Variants in CCDC146 observed in about 807,000 individuals in gnomAD.
CCDC146 encodes coiled-coil domain containing 146, also known as coiled-coil domain-containing protein 146.
In CCDC146, 92 loss-of-function variants were observed where a neutral mutation model predicts 119.3. The observed-to-expected ratio is 0.77, with a 90% CI of 0.65 to 0.92. The LOEUF (loss-of-function observed/expected upper bound fraction) is 0.92. Among genes scored for constraint, CCDC146 ranks in the 40% least tolerant of loss-of-function variants. The pLI, the probability that CCDC146 is intolerant of heterozygous loss-of-function variation, is 0.00. For synonymous variants in CCDC146, 372 were observed against 371.8 expected (o/e 1.00, Z -0.01); for missense variants, 1,000 against 1,103.0 (o/e 0.91, Z 1.32).
chr7:77,199,878 T>C, intron 2 of CCDC146: 1 of 1,484,580 alleles, frequency 6.7e-7, no homozygotes. Flanking sequence ...AGGCTTTCTG[T>C]GTTCCCAGGA....
At chr7:77,220,135 C>G (rs1475196413) in intron 2 of CCDC146, among the ~76,000 whole-genome samples, 1 of 152,232 alleles carries the variant, frequency 6.6e-6, no homozygotes, top group Non-Finnish European at 1.5e-5. Context: ...CATCCCGTAT[C>G]TACAACTGCA....
At chr7:77,241,593 T>G in intron 3 of CCDC146, 98 bp from the exon 4 acceptor site, 1 of 976,046 alleles carries the variant, frequency 1.0e-6, no homozygotes, top group Admixed American at 2.0e-5. Context: ...TGAGTTGATC[T>G]GAGGAGTGGG....
rs532801740 is a variant in CCDC146 at position 77,212,557 on chromosome 7, C to G, written c.157-24390C>G. On this transcript the variant is annotated intron_variant, in intron 2 of 18. Coordinates refer to ENST00000285871, the MANE Select transcript of CCDC146 (RefSeq NM_020879.3). ...AATGGCATGAACCCAGGAGGCGGAG[C>G]ATGCAGTGAGCCGAGATCACGCCAC... Among the ~76,000 whole-genome samples the G allele has an allele frequency of 3.5e-3, 493 of 142,014 alleles. 3 individuals are homozygous for G. The highest frequency in any genetic ancestry group is 0.012 in the African/African-American group (472 of 38,356). 93.2% of individuals were successfully genotyped at this position (142,014 alleles called of 152,430 possible).
intron 1 of CCDC146, among the ~76,000 whole-genome samples, chr7:77,164,354 C>CTGCT (rs1791310856): frequency 6.6e-6 from 1 of 151,934 alleles, no homozygotes; most frequent in South Asian, 2.1e-4. Flanking sequence ...AAGCAATAAA[C>CTGCT]TGTGATTACC....
chr7:77,205,582 A>T (rs1792068104), intron 2 of CCDC146, among the ~76,000 whole-genome samples: 1 of 152,160 alleles, frequency 6.6e-6, no homozygotes, highest in Non-Finnish European at 1.5e-5. Flanking sequence ...ACATGGTGAA[A>T]CCCCATCTCT....
intron 1 of CCDC146, among the ~76,000 whole-genome samples, chr7:77,156,619 A>T (rs539278349): frequency 1.6e-4 from 24 of 152,358 alleles, no homozygotes; most frequent in African/African-American, 5.8e-4. Flanking sequence ...AAATGTTTCA[A>T]GTCTAACATT....
intron 2 of CCDC146, among the ~76,000 whole-genome samples, chr7:77,216,114 A>G (rs939786461): frequency 4.0e-5 from 6 of 151,664 alleles, no homozygotes; most frequent in Non-Finnish European, 7.4e-5. Context: ...ATTTAGGAAG[A>G]TTTGTGCTTT....
intron 1 of CCDC146, among the ~76,000 whole-genome samples, chr7:77,125,080 G>T (rs1419075023): frequency 6.6e-6 from 1 of 151,904 alleles, no homozygotes; most frequent in Non-Finnish European, 1.5e-5. Context: ...TGTAATCCCA[G>T]CTACTCAGGA....
At chr7:77,125,350 C>T (rs1263500325) in intron 1 of CCDC146, among the ~76,000 whole-genome samples, 2 of 150,902 alleles carry the variant, frequency 1.3e-5, no homozygotes, top group Non-Finnish European at 2.9e-5. Flanking sequence ...ATAGTATGAT[C>T]TCAATTGTGT....
At chr7:77,144,048 G>T (rs1301700879) in intron 1 of CCDC146, among the ~76,000 whole-genome samples, 1 of 151,776 alleles carries the variant, frequency 6.6e-6, no homozygotes, top group African/African-American at 2.4e-5. Context: ...CTATCCATGA[G>T]CATGGAATGT....
intron 1 of CCDC146, among the ~76,000 whole-genome samples, chr7:77,154,772 A>G (rs1218034802): frequency 1.3e-5 from 2 of 152,158 alleles, no homozygotes; most frequent in African/African-American, 4.8e-5. Context: ...ATGTGCGTGC[A>G]TGTGTCTTTA....
intron 2 of CCDC146, among the ~76,000 whole-genome samples, chr7:77,236,186 C>CAAAA (rs1792733515): frequency 6.6e-6 from 1 of 152,162 alleles, no homozygotes; most frequent in African/African-American, 2.4e-5. Flanking sequence ...AATACAAATG[C>CAAAA]TCATTGCATT....
At chr7:77,247,571 C>A (rs115460365) in intron 4 of CCDC146, among the ~76,000 whole-genome samples, 3,308 of 152,204 alleles carry the variant, frequency 0.022, 114 homozygotes, top group African/African-American at 0.075. Flanking sequence ...ACATGTATTA[C>A]AAAATTCATC....
At chr7:77,144,923 C>T (rs906574883) in intron 1 of CCDC146, among the ~76,000 whole-genome samples, 4 of 151,682 alleles carry the variant, frequency 2.6e-5, no homozygotes, top group Admixed American at 6.6e-5. Flanking sequence ...CAGGATGATG[C>T]TGGCCTCATA....
chr7:77,275,436 A>T (rs1793615747), intron 11 of CCDC146, among the ~76,000 whole-genome samples: 1 of 152,232 alleles, frequency 6.6e-6, no homozygotes, highest in African/African-American at 2.4e-5. Flanking sequence ...ACAGTAATCA[A>T]CAATTTAGAT....
chr7:77,123,788 G>A (rs1458991348), intron 1 of CCDC146, among the ~76,000 whole-genome samples: 2 of 152,134 alleles, frequency 1.3e-5, no homozygotes, highest in Non-Finnish European at 2.9e-5. Flanking sequence ...AAAATTCAGT[G>A]TTCTCTTAAG....
At chr7:77,205,535 A>G (rs1267937358) in intron 2 of CCDC146, among the ~76,000 whole-genome samples, 1 of 152,206 alleles carries the variant, frequency 6.6e-6, no homozygotes, top group Admixed American at 6.5e-5. Flanking sequence ...AGGTGGGTGA[A>G]TCACTTGAGC....
chr7:77,290,438 A>T (rs1248102449), intron 17 of CCDC146, among the ~76,000 whole-genome samples: 1 of 152,082 alleles, frequency 6.6e-6, no homozygotes, highest in Admixed American at 6.6e-5. Context: ...GTGGAAAATG[A>T]CTCCCCCCAA....
chr7:77,217,566 G>T (rs202210112), intron 2 of CCDC146, among the ~76,000 whole-genome samples: 18,451 of 130,984 alleles, frequency 0.14, 1,456 homozygotes, highest in Non-Finnish European at 0.2. Flanking sequence ...TATATATAGA[G>T]AGAGAGAGAG....
Sources: allele counts gnomAD v4.1 joint callset (sites outside exome capture counted in the v4.1 genomes callset), GRCh38; gene constraint gnomAD v4.1.1; transcripts MANE v1.5; gene names NCBI Gene and HGNC (gene_info 2026-07-23, HGNC 2026-07-21).